ZNF396: variants seen among roughly 807,000 people sequenced by gnomAD.
The protein encoded by ZNF396 is zinc finger and SCAN domain-containing protein 14.
In ZNF396, 14 loss-of-function variants were observed where a neutral mutation model predicts 20.5. The ratio of observed to expected loss-of-function variants is 0.68; its 90% CI spans 0.45 to 1.07. The LOEUF is 1.07. Ranked by LOEUF, ZNF396 falls within the 50% of genes least tolerant of loss-of-function variation. The probability of loss-of-function intolerance (pLI) is 0.00; values close to 1 mark genes in which losing one functional copy is unlikely to be tolerated. For missense variants in ZNF396, 347 were observed against 390.1 expected (o/e 0.89, Z 0.93); for synonymous variants, 119 against 140.6 (o/e 0.85, Z 1.08).
intron 3 of ZNF396, among the ~76,000 whole-genome samples, chr18:35,370,688 AT>A (rs1388145101): frequency 9.9e-4 from 148 of 149,944 alleles, no homozygotes; most frequent in Non-Finnish European, 1.8e-3. Context: ...AATTTTTTGT[AT>A]TTTTTAGTAG....
chr18:35,373,835 G>T, intron 2 of ZNF396, 41 bp downstream of exon 2: 2 of 1,575,878 alleles, frequency 1.3e-6, no homozygotes, highest in South Asian at 2.4e-5. Context: ...CAGTGCTCTT[G>T]ACTCAGCCTG....
chr18:35,373,163 C>G (rs1432014709), intron 3 of ZNF396: 3 of 388,096 alleles, frequency 7.7e-6, no homozygotes, highest in African/African-American at 6.2e-5. Context: ...TGGGGTCCCA[C>G]AGAAAGGCCT....
chr18:35,370,117 CA>C (rs2045153211), intron 3 of ZNF396, among the ~76,000 whole-genome samples: 1 of 151,732 alleles, frequency 6.6e-6, no homozygotes. Flanking sequence ...GCCAAGGGGC[CA>C]AAAAGGAATG....
chr18:35,375,640 G>C (rs2045246400), intron 1 of ZNF396, among the ~76,000 whole-genome samples: 2 of 151,508 alleles, frequency 1.3e-5, no homozygotes, highest in Admixed American at 1.3e-4. Flanking sequence ...ATTTCTTCAA[G>C]TATTATTAGC....
At chr18:35,373,755 C>G in intron 2 of ZNF396, 121 bp downstream of exon 2, 1 of 1,495,804 alleles carries the variant, frequency 6.7e-7, no homozygotes, top group South Asian at 1.3e-5. Context: ...CCCATTAGTA[C>G]TTTCACCCCT....
In ZNF396 at chr18:35,368,317, G is replaced by T; in HGVS notation, c.*898C>A. On this transcript the variant is annotated 3_prime_UTR_variant, in exon 4 of 4. Coordinates refer to ENST00000589332, the MANE Select transcript of ZNF396 (RefSeq NM_001322286.2). ...TTAACTTGATATTAATAGTATGGAGGCTCTTGTGTGCTTTCATAAGATAAG... is the reference window on the plus strand; with the variant it reads ...TTAACTTGATATTAATAGTATGGAGTCTCTTGTGTGCTTTCATAAGATAAG... 1 of 1,179,688 alleles carries T rather than the reference G, an allele frequency of 8.5e-7. No individual in the cohort carries two copies. The highest frequency in any genetic ancestry group is 1.2e-6 in the Non-Finnish European group (1 of 867,844). 73.1% of individuals were successfully genotyped at this position (1,179,688 alleles called of 1,614,324 possible). A position where few individuals can be genotyped will look rare whatever the true frequency, so the allele number is the denominator to read the frequency against.
Position 35,369,038 on chromosome 18 carries a change from G to C in ZNF396, c.*177C>G. On this transcript the variant is annotated 3_prime_UTR_variant, in exon 4 of 4. Transcript: ENST00000589332. Reference sequence around the variant, plus strand: ...AGAATTGAGACTGCATTGATAAGCAGAAAAGCAAATAATGCTGACCTGAGA... The same window carrying C: ...AGAATTGAGACTGCATTGATAAGCACAAAAGCAAATAATGCTGACCTGAGA... 2 of 1,381,232 alleles carry C rather than the reference G, an allele frequency of 1.4e-6. No individual in the cohort carries two copies. The highest frequency in any genetic ancestry group is 1.9e-6 in the Non-Finnish European group (2 of 1,073,470). 85.6% of individuals were successfully genotyped at this position (1,381,232 alleles called of 1,614,324 possible).
chr18:35,369,166 C>T lies in ZNF396; in HGVS notation c.*49G>A, dbSNP rs762897090. 1.4e-6 allele frequency: 2 copies of T among 1,479,562 alleles called. No homozygotes were observed. The highest frequency in any genetic ancestry group is 1.8e-6 in the Non-Finnish European group (2 of 1,117,376). 91.7% of individuals were successfully genotyped at this position (1,479,562 alleles called of 1,614,324 possible). On this transcript the variant is annotated 3_prime_UTR_variant, in exon 4 of 4. Coordinates refer to ENST00000589332, the MANE Select transcript of ZNF396 (RefSeq NM_001322286.2). ...AGGAGCGTTTGCATCTGGTGTCTTC[C>T]CTTGTGCTGAAATAGCTCTGAGTAA...
intron 3 of ZNF396, among the ~76,000 whole-genome samples, chr18:35,369,996 A>G (rs537792681): frequency 2.0e-5 from 3 of 152,348 alleles, no homozygotes; most frequent in African/African-American, 7.2e-5. Context: ...GAGGAATCCA[A>G]TGTGCCAGTG....
intron 3 of ZNF396, among the ~76,000 whole-genome samples, chr18:35,370,504 ATTTTTTTTTTTT>A (rs35532616): frequency 6.1e-5 from 5 of 81,758 alleles, no homozygotes; most frequent in African/African-American, 2.0e-4. Context: ...TCATGGTGGC[ATTTTTTTTTTTT>A]TTTTTTTTTT....
intron 3 of ZNF396, among the ~76,000 whole-genome samples, chr18:35,370,962 T>C (rs2045171164): frequency 6.6e-6 from 1 of 152,142 alleles, no homozygotes; most frequent in South Asian, 2.1e-4. Context: ...GAAGTAATTA[T>C]ATAAATAAGA....
At position 35,368,845 on chromosome 18, in the gene ZNF396, A is replaced by G; in HGVS notation, c.*370T>C. 5.0e-6 allele frequency: 5 copies of G among 1,009,320 alleles called. No homozygotes were observed. Among genetic ancestry groups the G allele is most frequent in the Non-Finnish European group, 5.9e-6 (5 of 846,340 alleles). The allele number at this position is 1,009,320 out of a possible 1,614,324, so 62.5% of individuals were successfully genotyped here. A position where few individuals can be genotyped will look rare whatever the true frequency, so the allele number is the denominator to read the frequency against. ...GAGAATGTCTATTTTTACACTGAGTAACTCACACATTCCTTCTCAATGAGG... is the reference window on the plus strand; with the variant it reads ...GAGAATGTCTATTTTTACACTGAGTGACTCACACATTCCTTCTCAATGAGG... On this transcript the variant is annotated 3_prime_UTR_variant, in exon 4 of 4. Transcript: ENST00000589332.
In ZNF396 at chr18:35,368,912, A is replaced by G. The variant is rs940771517; in HGVS notation, c.*303T>C. The G allele has an allele frequency of 8.8e-7, 1 of 1,130,118 alleles. No individual in the cohort carries two copies. Among genetic ancestry groups the G allele is most frequent in the Non-Finnish European group, 1.1e-6 (1 of 923,574 alleles). 70.0% of individuals were successfully genotyped at this position (1,130,118 alleles called of 1,614,324 possible). On this transcript the variant is annotated 3_prime_UTR_variant, in exon 4 of 4. Coordinates refer to ENST00000589332, the MANE Select transcript of ZNF396 (RefSeq NM_001322286.2). Reference sequence around the variant, plus strand: ...CTAAAAAGATATATACTAATTCATTATATGTGTTAATAATGAAAATAGTAG... The same window carrying G: ...CTAAAAAGATATATACTAATTCATTGTATGTGTTAATAATGAAAATAGTAG...
In ZNF396 at chr18:35,368,429, A is replaced by G. The variant is rs1337723953; in HGVS notation, c.*786T>C. 6 of 1,411,496 alleles carry G rather than the reference A, an allele frequency of 4.3e-6. No individual in the cohort carries two copies. Among genetic ancestry groups the G allele is most frequent in the Non-Finnish European group, 3.7e-6 (4 of 1,075,458 alleles). 87.4% of individuals were successfully genotyped at this position (1,411,496 alleles called of 1,614,324 possible). A position where few individuals can be genotyped will look rare whatever the true frequency, so the allele number is the denominator to read the frequency against. ...TATTCTTTTGGGCCTCTGCAATCGC[A>G]TGTTCATATTTTGAATCTAGTAACA... On this transcript the variant is annotated 3_prime_UTR_variant, in exon 4 of 4. Transcript: ENST00000589332.
intron 3 of ZNF396, among the ~76,000 whole-genome samples, chr18:35,371,129 G>T (rs1261527462): frequency 6.6e-6 from 1 of 152,132 alleles, no homozygotes; most frequent in Non-Finnish European, 1.5e-5. Flanking sequence ...TTACTCTTTA[G>T]AATTTACTTA....
rs2045231450 is a variant in ZNF396, at chr18:35,374,462, C to G, written c.-72-98G>C. The stretch of plus-strand genomic sequence containing the variant: ...TTAGAAACATAAGACTGTATAGGAA[C>G]TACTGACCTTAGTCTTAACAGAAAC... On this transcript the variant is annotated intron_variant, in intron 1 of 3. Transcript: ENST00000589332. The surrounding 1 kb of genome is among the most constrained non-coding windows in gnomAD (Gnocchi z 4.3). The G allele has an allele frequency of 6.7e-6, 4 of 600,704 alleles. No individual in the cohort carries two copies. In the East Asian group the frequency reaches 1.2e-4, roughly 17 times the overall value. The allele number at this position is 600,704 out of a possible 1,614,324, so 37.2% of individuals were successfully genotyped here.
At chr18:35,370,494 T>C (rs1472743089) in intron 3 of ZNF396, among the ~76,000 whole-genome samples, 1 of 145,264 alleles carries the variant, frequency 6.9e-6, no homozygotes, top group Non-Finnish European at 1.5e-5. Flanking sequence ...TCAGTTATCC[T>C]CATGGTGGCA....
rs1186805734 is a variant in ZNF396 at position 35,368,480 on chromosome 18, A to T, written c.*735T>A. Reference sequence around the variant, plus strand: ...GAAGACAAAATAGGAATTTATTTTTATTTTTATTTATTTATTTATTTATTT... The same window carrying T: ...GAAGACAAAATAGGAATTTATTTTTTTTTTTATTTATTTATTTATTTATTT... On this transcript the variant is annotated 3_prime_UTR_variant, in exon 4 of 4. Transcript: ENST00000589332. The T allele has an allele frequency of 2.6e-6, 1 of 381,476 alleles. No individual in the cohort carries two copies. Among genetic ancestry groups the T allele is most frequent in the Non-Finnish European group, 4.3e-6 (1 of 234,702 alleles). 23.6% of individuals were successfully genotyped at this position (381,476 alleles called of 1,614,324 possible). A position where few individuals can be genotyped will look rare whatever the true frequency, so the allele number is the denominator to read the frequency against.
rs924773183 is a variant in ZNF396, at chr18:35,374,213, A to G, written c.80T>C (p.Met27Thr). 3.1e-6 allele frequency: 5 copies of G among 1,614,208 alleles called. No individual in the cohort carries two copies. In the East Asian group the frequency reaches 8.9e-5, roughly 29 times the overall value. The change falls in exon 2 of 4, where the codon ATG becomes ACG. Residue 27 changes from methionine to threonine, a missense_variant. By Grantham distance (81) the Met-to-Thr change is moderately conservative (BLOSUM62 -1). Transcript: ENST00000589332. This position sits in a 1 kb window ranked among gnomAD's most constrained non-coding sequence, Gnocchi z 4.3. ...EECNGILTEKMEEEEQTCDPD... is the reference protein window; with the variant it reads ...EECNGILTEKTEEEEQTCDPD... ...ATCACAGGTCTGCTCTTCCTCTTCC[A>G]TCTTCTCTGTCAGAATCCCATTACA...
Sources: allele counts gnomAD v4.1 joint callset (sites outside exome capture counted in the v4.1 genomes callset), GRCh38; gene constraint gnomAD v4.1.1; non-coding constraint Gnocchi (gnomAD v3.1); transcripts MANE v1.5; gene names NCBI Gene and HGNC (gene_info 2026-07-23, HGNC 2026-07-21).